The following ABCA13 variants were observed in gnomAD, a reference collection of about 807,000 sequenced individuals.
ABCA13 encodes ATP-binding cassette sub-family A member 13.
In ABCA13, 476 loss-of-function variants were observed where a neutral mutation model predicts 478.7. The observed-to-expected ratio is 0.99, with a 90% CI of 0.92 to 1.07. The LOEUF (loss-of-function observed/expected upper bound fraction) is 1.07, where lower values mean the gene tolerates loss of function less well. ABCA13 is among the 50% of genes least tolerant of loss of function. The probability of loss-of-function intolerance (pLI) is 0.00; values close to 1 mark genes in which losing one functional copy is unlikely to be tolerated. For missense variants in ABCA13, 6,060 were observed against 5,910.6 expected (o/e 1.03, Z -0.83); for synonymous variants, 2,252 against 2,158.9 (o/e 1.04, Z -1.20).
At chr7:48,382,844 C>T (rs1198848199) in intron 35 of ABCA13, among the ~76,000 whole-genome samples, 15 of 151,922 alleles carry the variant, frequency 9.9e-5, no homozygotes, top group African/African-American at 3.4e-4. Context: ...GCGTGTCCCT[C>T]GTACCACTAG....
chr7:48,310,974 C>T lies in ABCA13; in HGVS notation c.9516+833C>T, dbSNP rs180753568. Among the ~76,000 whole-genome samples the T allele has an allele frequency of 2.6e-3, 403 of 152,164 alleles. 1 individual carries two copies. Among genetic ancestry groups the T allele is most frequent in the African/African-American group, 8.0e-3 (333 of 41,524 alleles). On this transcript the variant is annotated intron_variant, in intron 24 of 61. Transcript: ENST00000435803. ...CAGAAGCTTCCCCTCCTTCTGGCCT[C>T]TACTGTTTGAATCTTTACTTAAGTT...
At position 48,372,238 on chromosome 7, in the gene ABCA13, T is replaced by C; in HGVS notation, c.10874T>C (p.Leu3625Ser). 1 of 1,613,938 alleles carries C rather than the reference T, an allele frequency of 6.2e-7. No individual in the cohort carries two copies. The highest frequency in any genetic ancestry group is 8.5e-7 in the Non-Finnish European group (1 of 1,179,846). ...TGGTTCCTGGAGAACATGGCTGTGT[T>C]GACCATAAGCAGTGCTACTCTGGCC... is the stretch of plus-strand genomic sequence containing the variant. ...LAWFLENMAV[L>S]TISSATLAIV... Residue 3625 changes from leucine to serine, a missense_variant, in exon 33 of 62, where the codon TTG (leucine) becomes TCG (serine). Leu to Ser is a moderately radical substitution (Grantham distance 145). Transcript: ENST00000435803.
At chr7:48,625,753 T>G (rs141926387) in intron 59 of ABCA13, among the ~76,000 whole-genome samples, 6 of 152,234 alleles carry the variant, frequency 3.9e-5, no homozygotes, top group Non-Finnish European at 7.3e-5. Flanking sequence ...GCTGTCACTT[T>G]ATCAAAAGTA....
chr7:48,274,089 A>G lies in ABCA13; in HGVS notation c.4423A>G (p.Thr1475Ala), dbSNP rs770701879. 6.2e-7 allele frequency: 1 copy of G among 1,607,014 alleles called. No individual in the cohort carries two copies. The highest frequency in any genetic ancestry group is 1.3e-5 in the African/African-American group (1 of 74,706). Residue 1475 changes from threonine to alanine, a missense_variant, in exon 17 of 62, where the codon ACT (threonine) becomes GCT (alanine). Physicochemically the swap from Thr to Ala is moderately conservative, Grantham distance 58. Coordinates refer to ENST00000435803, the MANE Select transcript of ABCA13 (RefSeq NM_152701.5). ...AACTGACTTTCTAAATATTGTACTT[A>G]CTACAGTCTTTGAAAAAGAGAAGAA... ...DVTDFLNIVL[T>A]TVFEKEKKPK...
intron 59 of ABCA13, among the ~76,000 whole-genome samples, chr7:48,621,978 T>C (rs1793182637): frequency 6.6e-6 from 1 of 152,160 alleles, no homozygotes. Context: ...AGACAGCATC[T>C]AGAGTATAGA....
At chr7:48,181,815 A>AT (rs1268913309) in intron 1 of ABCA13, among the ~76,000 whole-genome samples, 22 of 152,080 alleles carry the variant, frequency 1.4e-4, no homozygotes, top group Admixed American at 1.4e-3. Flanking sequence ...TTCTTAGGAA[A>AT]TTTTTGTTTT....
At chr7:48,213,356 A>G (rs1224502829) in intron 3 of ABCA13, among the ~76,000 whole-genome samples, 1 of 152,240 alleles carries the variant, frequency 6.6e-6, no homozygotes, top group Non-Finnish European at 1.5e-5. Flanking sequence ...TATAAAAGTT[A>G]TGTTTACACT....
At chr7:48,230,190 G>C (rs535496248) in intron 7 of ABCA13, among the ~76,000 whole-genome samples, 24 of 152,276 alleles carry the variant, frequency 1.6e-4, no homozygotes, top group African/African-American at 5.1e-4. Flanking sequence ...TAATATAAAT[G>C]ATATTTTTAA....
At chr7:48,347,222 A>G (rs1337438215) in intron 29 of ABCA13, among the ~76,000 whole-genome samples, 2 of 152,222 alleles carry the variant, frequency 1.3e-5, no homozygotes, top group Non-Finnish European at 2.9e-5. Flanking sequence ...GTCCAAAGGA[A>G]TCACTTTTGC....
chr7:48,427,666 T>C, intron 41 of ABCA13, 100 bp from the exon 42 acceptor site: 1 of 735,198 alleles, frequency 1.4e-6, no homozygotes, highest in Non-Finnish European at 2.3e-6. Context: ...GTGTTTGGCA[T>C]ATGTTGTCAC....
chr7:48,392,224 A>G lies in ABCA13; in HGVS notation c.11873+85A>G, dbSNP rs917313277. The G allele has an allele frequency of 3.2e-6, 4 of 1,261,944 alleles. No individual in the cohort carries two copies. In the African/African-American group the frequency reaches 4.4e-5, roughly 14 times the overall value. The allele number at this position is 1,261,944 out of a possible 1,614,324, so 78.2% of individuals were successfully genotyped here. Reference sequence around the variant, plus strand: ...GACAATAGAAAGAGACACTTAAAAAATCATCTGTGTCTACATTTATAAGAT... The same window carrying G: ...GACAATAGAAAGAGACACTTAAAAAGTCATCTGTGTCTACATTTATAAGAT... On this transcript the variant is annotated intron_variant, in intron 38 of 61. Coordinates refer to ENST00000435803, the MANE Select transcript of ABCA13 (RefSeq NM_152701.5).
At chr7:48,261,295 A>C (rs1282937243) in intron 15 of ABCA13, among the ~76,000 whole-genome samples, 2 of 151,970 alleles carry the variant, frequency 1.3e-5, no homozygotes, top group African/African-American at 4.8e-5. Flanking sequence ...TAAAATTTCT[A>C]ATTTTTCAAT....
intron 56 of ABCA13, among the ~76,000 whole-genome samples, chr7:48,583,496 G>A (rs1008168974): frequency 6.6e-6 from 1 of 152,194 alleles, no homozygotes; most frequent in Admixed American, 6.5e-5. Context: ...ATTTATTTTG[G>A]CTCCAGTGAT....
intron 38 of ABCA13, among the ~76,000 whole-genome samples, chr7:48,393,164 G>T (rs1314130548): frequency 1.3e-5 from 2 of 152,222 alleles, no homozygotes; most frequent in African/African-American, 4.8e-5. Context: ...GATGACCATG[G>T]AAGCATGGAT....
chr7:48,603,171 G>T lies in ABCA13; in HGVS notation c.14744+8358G>T, dbSNP rs140469264. On this transcript the variant is annotated intron_variant, in intron 58 of 61. Coordinates refer to ENST00000435803, the MANE Select transcript of ABCA13 (RefSeq NM_152701.5). ...TGCTAAATATATAGTCATGTCAACTGCAAGCAGAGGCAATTTGACTTCCTC... is the reference window on the plus strand; with the variant it reads ...TGCTAAATATATAGTCATGTCAACTTCAAGCAGAGGCAATTTGACTTCCTC... 1.0e-3 allele frequency among the ~76,000 whole-genome samples: 156 copies of T among 152,282 alleles called. 1 individual carries two copies. The highest frequency in any genetic ancestry group is 3.4e-3 in the African/African-American group (143 of 41,558).
chr7:48,340,398 G>C (rs545179178), intron 29 of ABCA13, among the ~76,000 whole-genome samples: 1 of 152,176 alleles, frequency 6.6e-6, no homozygotes, highest in South Asian at 2.1e-4. Flanking sequence ...GAGCCACTGC[G>C]CCTGGCCTCA....
At chr7:48,386,721 A>G (rs1409910510) in intron 35 of ABCA13, among the ~76,000 whole-genome samples, 5 of 152,242 alleles carry the variant, frequency 3.3e-5, no homozygotes, top group Non-Finnish European at 5.9e-5. Context: ...TTATTGCCAT[A>G]TACAAAAATT....
At chr7:48,319,845 TC>T (rs1803164959) in intron 27 of ABCA13, among the ~76,000 whole-genome samples, 1 of 152,120 alleles carries the variant, frequency 6.6e-6, no homozygotes, top group South Asian at 2.1e-4. Flanking sequence ...CTTGAGTAGA[TC>T]CGTGATTTTC....
chr7:48,507,712 G>A (rs1212266255), intron 49 of ABCA13, among the ~76,000 whole-genome samples, 160 bp from the exon 50 acceptor site: 3 of 152,208 alleles, frequency 2.0e-5, no homozygotes. Context: ...GGTGGCTGAG[G>A]GGATTTAATG....
Sources: gnomAD v4.1 joint callset for allele counts (sites outside exome capture counted in the v4.1 genomes callset) on GRCh38, gnomAD v4.1.1 for gene constraint, MANE v1.5 for transcripts, NCBI Gene and HGNC (gene_info 2026-07-23, HGNC 2026-07-21) for gene names.